Variants in PTPRM observed in about 807,000 individuals in gnomAD.
PTPRM encodes the protein receptor-type tyrosine-protein phosphatase mu.
In PTPRM, 47 loss-of-function variants were observed where a neutral mutation model predicts 186.7. The ratio of observed to expected loss-of-function variants is 0.25; its 90% confidence interval spans 0.20 to 0.32. PTPRM has a LOEUF of 0.32. Ranked by LOEUF, PTPRM falls within the 10% of genes least tolerant of loss-of-function variation. The pLI, the probability that PTPRM is intolerant of heterozygous loss-of-function variation, is 1.00. For synonymous variants in PTPRM, 668 were observed against 674.9 expected (o/e 0.99, Z 0.16); for missense variants, 1,494 against 1,865.0 (o/e 0.80, Z 3.66).
intron 13 of PTPRM, 126 bp from the exon 14 acceptor site, chr18:8,143,521 G>C (rs2146118931): frequency 2.0e-6 from 2 of 985,132 alleles, no homozygotes; most frequent in East Asian, 5.1e-5. Context: ...AAAAATCAAA[G>C]CTTGTCTGTC....
At chr18:8,314,061 C>G (rs566270084) in intron 20 of PTPRM, among the ~76,000 whole-genome samples, 35 of 152,158 alleles carry the variant, frequency 2.3e-4, no homozygotes, top group African/African-American at 8.2e-4. Flanking sequence ...ATAGTATTTG[C>G]AGATAATTTT....
At chr18:7,704,314 G>T (rs2040029117) in intron 1 of PTPRM, among the ~76,000 whole-genome samples, 1 of 152,104 alleles carries the variant, frequency 6.6e-6, no homozygotes, top group African/African-American at 2.4e-5. Context: ...GGCTATTTTT[G>T]GTTGGTAGGC....
intron 7 of PTPRM, among the ~76,000 whole-genome samples, chr18:8,021,116 G>A (rs2085191574): frequency 6.6e-6 from 1 of 152,124 alleles, no homozygotes; most frequent in South Asian, 2.1e-4. Flanking sequence ...AGCAGTACCT[G>A]TTGACTGACC....
intron 1 of PTPRM, among the ~76,000 whole-genome samples, chr18:7,577,882 A>T (rs1401425644): frequency 6.6e-6 from 1 of 152,132 alleles, no homozygotes; most frequent in Non-Finnish European, 1.5e-5. Context: ...CTTGCTCAGT[A>T]GGCAGGGGCC....
chr18:7,874,117 A>T (rs976071932), intron 2 of PTPRM, among the ~76,000 whole-genome samples: 9 of 56,648 alleles, frequency 1.6e-4, no homozygotes, highest in African/African-American at 4.7e-4. Context: ...GAAAAGTTTT[A>T]AAAAAAAAAA....
chr18:7,876,689 T>C (rs1279534015), intron 2 of PTPRM, among the ~76,000 whole-genome samples: 1 of 152,240 alleles, frequency 6.6e-6, no homozygotes, highest in African/African-American at 2.4e-5. Context: ...TCACATGTTG[T>C]TCCTTTCTCT....
chr18:8,189,568 A>G (rs944755865), intron 14 of PTPRM, among the ~76,000 whole-genome samples: 1 of 152,222 alleles, frequency 6.6e-6, no homozygotes, highest in African/African-American at 2.4e-5. Flanking sequence ...GGGATGATTT[A>G]TCAATGCCTG....
intron 2 of PTPRM, among the ~76,000 whole-genome samples, chr18:7,867,826 G>C (rs922163497): frequency 1.1e-4 from 17 of 152,102 alleles, no homozygotes; most frequent in Non-Finnish European, 1.0e-4. Context: ...TCACTTTCAG[G>C]TACACCAATC....
chr18:8,350,065 G>T (rs753308539), intron 23 of PTPRM, among the ~76,000 whole-genome samples: 5 of 152,160 alleles, frequency 3.3e-5, no homozygotes, highest in Admixed American at 6.5e-5. Context: ...AGTTCCTATG[G>T]CCAAACTCCC....
At chr18:7,811,547 G>A (rs1181885720) in intron 2 of PTPRM, among the ~76,000 whole-genome samples, 1 of 152,004 alleles carries the variant, frequency 6.6e-6, no homozygotes, top group Non-Finnish European at 1.5e-5. Flanking sequence ...TTTATTTTTA[G>A]TAGAGATAAA....
intron 11 of PTPRM, among the ~76,000 whole-genome samples, chr18:8,091,391 A>G (rs2090717871): frequency 6.6e-6 from 1 of 152,166 alleles, no homozygotes; most frequent in South Asian, 2.1e-4. Flanking sequence ...TGAAATTAAT[A>G]AATATATCCA....
intron 14 of PTPRM, among the ~76,000 whole-genome samples, chr18:8,240,809 AGAGAGAGAGAGAGAG>A (rs2094423661): frequency 1.8e-5 from 1 of 54,898 alleles, no homozygotes; most frequent in African/African-American, 8.1e-5. Context: ...AGAGAGAGAG[AGAGAGAGAGAGAGAG>A]AGAAAGAAAG....
At chr18:8,276,203 A>G (rs749547187) in intron 19 of PTPRM, among the ~76,000 whole-genome samples, 40 of 151,994 alleles carry the variant, frequency 2.6e-4, no homozygotes, top group Non-Finnish European at 5.4e-4. Context: ...AAACTTTCAC[A>G]GCATGTTGGA....
At chr18:8,058,196 G>A (rs2088175710) in intron 7 of PTPRM, among the ~76,000 whole-genome samples, 1 of 101,300 alleles carries the variant, frequency 9.9e-6, no homozygotes, top group Non-Finnish European at 1.9e-5. Context: ...GCATTTCTCT[G>A]ATGGCCAGTG....
chr18:8,215,632 C>A (rs928204103), intron 14 of PTPRM, among the ~76,000 whole-genome samples: 1 of 150,772 alleles, frequency 6.6e-6, no homozygotes, highest in Non-Finnish European at 1.5e-5. Flanking sequence ...AGCCCATACC[C>A]GCCGGGCTCA....
At chr18:8,194,610 G>A (rs1331851744) in intron 14 of PTPRM, among the ~76,000 whole-genome samples, 1 of 152,214 alleles carries the variant, frequency 6.6e-6, no homozygotes, top group African/African-American at 2.4e-5. Flanking sequence ...CTGGTTTGTT[G>A]TGAGTGCAGT....
intron 3 of PTPRM, among the ~76,000 whole-genome samples, chr18:7,889,329 CTTTCTTTTT>C (rs2048940960): frequency 8.9e-6 from 1 of 112,780 alleles, no homozygotes; most frequent in Non-Finnish European, 1.7e-5. Context: ...ATTTTCTTTT[CTTTCTTTTT>C]TTTTTTTTTT....
At chr18:7,589,511 A>T (rs1406489642) in intron 1 of PTPRM, among the ~76,000 whole-genome samples, 1 of 152,134 alleles carries the variant, frequency 6.6e-6, no homozygotes, top group East Asian at 1.9e-4. Context: ...ATCTTTCTAG[A>T]TAGAGACCTG....
At chr18:7,809,645 C>T (rs544561894) in intron 2 of PTPRM, among the ~76,000 whole-genome samples, 19 of 152,246 alleles carry the variant, frequency 1.2e-4, no homozygotes, top group South Asian at 2.1e-4. Flanking sequence ...GAGGGCCCAG[C>T]GCCTCCTTTC....
Sources: gnomAD v4.1 joint callset for allele counts (sites outside exome capture counted in the v4.1 genomes callset) on GRCh38, gnomAD v4.1.1 for gene constraint, MANE v1.5 for transcripts, NCBI Gene and HGNC (gene_info 2026-07-23, HGNC 2026-07-21) for gene names.